The following GRM1 variants were observed in gnomAD, a reference collection of about 807,000 sequenced individuals.
The protein encoded by GRM1 is metabotropic glutamate receptor 1.
Under a neutral mutation model 90.9 loss-of-function variants are expected in GRM1, and 33 were observed. The ratio of observed to expected loss-of-function variants is 0.36; its 90% CI spans 0.28 to 0.49. The LOEUF is 0.49. Among genes scored for constraint, GRM1 ranks in the 20% least tolerant of loss-of-function variants. GRM1 has a pLI of 0.99. For missense variants in GRM1, 1,190 were observed against 1,534.3 expected (o/e 0.78, Z 3.75); for synonymous variants, 700 against 613.2 (o/e 1.14, Z -2.09).
chr6:146,157,673 T>C (rs1036735344), intron 1 of GRM1, among the ~76,000 whole-genome samples: 3 of 151,972 alleles, frequency 2.0e-5, no homozygotes, highest in African/African-American at 7.3e-5. Flanking sequence ...AGGGAACAAC[T>C]GTAGGAGAAA....
chr6:146,297,728 T>C (rs1783230657), intron 2 of GRM1, among the ~76,000 whole-genome samples: 3 of 152,180 alleles, frequency 2.0e-5, no homozygotes, highest in Non-Finnish European at 2.9e-5. Context: ...TGACCTTTTG[T>C]TCAAATAAGA....
intron 2 of GRM1, among the ~76,000 whole-genome samples, chr6:146,263,342 G>A (rs1225814112): frequency 1.3e-5 from 2 of 151,900 alleles, no homozygotes; most frequent in African/African-American, 4.8e-5. Context: ...GAAATTATTA[G>A]TATGATTGCA....
intron 2 of GRM1, among the ~76,000 whole-genome samples, chr6:146,220,197 T>C (rs952309044): frequency 6.6e-6 from 1 of 152,162 alleles, no homozygotes; most frequent in Non-Finnish European, 1.5e-5. Context: ...AATAGCTTTA[T>C]TGAAAATGGA....
intron 1 of GRM1, among the ~76,000 whole-genome samples, chr6:146,037,456 A>C (rs1021174106): frequency 1.3e-5 from 2 of 151,986 alleles, no homozygotes; most frequent in African/African-American, 4.8e-5. Flanking sequence ...GCTTTGTTTT[A>C]GATACTTTCT....
rs74478201 is a variant in GRM1 at position 146,361,403 on chromosome 6, G to A, written c.1602+3709G>A. Among the ~76,000 whole-genome samples, 360 of 152,302 alleles carry A rather than the reference G, an allele frequency of 2.4e-3. 5 individuals are homozygous for A. In the East Asian group the frequency reaches 0.035, roughly 15 times the overall value. On this transcript the variant is annotated intron_variant, in intron 5 of 7. Coordinates refer to ENST00000282753, the MANE Select transcript of GRM1 (RefSeq NM_001278064.2). Reference sequence around the variant, plus strand: ...ACAGATAAAATCTGAACAGTGTTATGCAAGCAAACATCAGGGGCCTTGTGT... The same window carrying A: ...ACAGATAAAATCTGAACAGTGTTATACAAGCAAACATCAGGGGCCTTGTGT...
At chr6:146,265,504 C>T (rs113661139) in intron 2 of GRM1, among the ~76,000 whole-genome samples, 764 of 152,234 alleles carry the variant, frequency 5.0e-3, no homozygotes, top group Non-Finnish European at 8.1e-3. Context: ...TTGTTTATTT[C>T]TTTGGCTGTC....
intron 2 of GRM1, among the ~76,000 whole-genome samples, chr6:146,268,710 C>T (rs1374676384): frequency 6.6e-6 from 1 of 152,210 alleles, no homozygotes; most frequent in Admixed American, 6.5e-5. Flanking sequence ...TATGACCTTT[C>T]TGACCTTGCA....
chr6:146,273,952 G>A (rs556211142), intron 2 of GRM1, among the ~76,000 whole-genome samples: 1 of 152,256 alleles, frequency 6.6e-6, no homozygotes, highest in Admixed American at 6.5e-5. Flanking sequence ...TTTATCTTTT[G>A]TTAAAATGTT....
chr6:146,423,449 A>G (rs1778075088), intron 7 of GRM1, among the ~76,000 whole-genome samples: 1 of 146,572 alleles, frequency 6.8e-6, no homozygotes. Context: ...AAAAGGGATC[A>G]TAAAGGAGAT....
chr6:146,346,852 A>G (rs1435877752), intron 3 of GRM1, among the ~76,000 whole-genome samples: 1 of 152,210 alleles, frequency 6.6e-6, no homozygotes, highest in African/African-American at 2.4e-5. Flanking sequence ...TCTGTCAGGC[A>G]AAAATAAGCA....
intron 3 of GRM1, among the ~76,000 whole-genome samples, chr6:146,337,266 T>A (rs1360492924): frequency 6.6e-6 from 1 of 152,228 alleles, no homozygotes; most frequent in Non-Finnish European, 1.5e-5. Flanking sequence ...TCCCAGGTTC[T>A]GCCTGGTGAT....
At chr6:146,166,795 T>C (rs1356284412) in intron 2 of GRM1, among the ~76,000 whole-genome samples, 1 of 152,138 alleles carries the variant, frequency 6.6e-6, no homozygotes, top group Non-Finnish European at 1.5e-5. Flanking sequence ...ACTCTCTCCA[T>C]AACCACTTAT....
intron 2 of GRM1, among the ~76,000 whole-genome samples, chr6:146,273,343 A>C (rs556610014): frequency 6.6e-6 from 1 of 152,284 alleles, no homozygotes; most frequent in East Asian, 1.9e-4. Flanking sequence ...TGGGAAAGAC[A>C]TGCCCCAGCG....
intron 2 of GRM1, among the ~76,000 whole-genome samples, chr6:146,177,705 G>A (rs1418488176): frequency 6.6e-6 from 1 of 151,720 alleles, no homozygotes; most frequent in Non-Finnish European, 1.5e-5. Flanking sequence ...ATGCATTTTT[G>A]CAATTTGAGT....
chr6:146,270,467 TC>T (rs1782074184), intron 2 of GRM1, among the ~76,000 whole-genome samples: 2 of 152,112 alleles, frequency 1.3e-5, no homozygotes, highest in Non-Finnish European at 2.9e-5. Context: ...GATTTTTTTC[TC>T]CCTAGTTAAT....
At chr6:146,205,027 A>G (rs1735402092) in intron 2 of GRM1, among the ~76,000 whole-genome samples, 1 of 152,206 alleles carries the variant, frequency 6.6e-6, no homozygotes, top group African/African-American at 2.4e-5. Flanking sequence ...GAATATATGA[A>G]AATGCATGCA....
intron 7 of GRM1, among the ~76,000 whole-genome samples, chr6:146,433,594 C>T (rs780807203): frequency 8.7e-5 from 13 of 149,820 alleles, no homozygotes; most frequent in Middle Eastern, 3.4e-3. Flanking sequence ...GAGAGTGCAA[C>T]GGAGAAAAAA....
chr6:146,147,696 C>T (rs1358195174), intron 1 of GRM1, among the ~76,000 whole-genome samples: 2 of 152,142 alleles, frequency 1.3e-5, no homozygotes, highest in African/African-American at 4.8e-5. Flanking sequence ...CCATCCTGTG[C>T]TCAAGCTGAA....
At chr6:146,345,714 CTGCCTT>C (rs1785166202) in intron 3 of GRM1, among the ~76,000 whole-genome samples, 1 of 143,604 alleles carries the variant, frequency 7.0e-6, no homozygotes, top group African/African-American at 3.0e-5. Flanking sequence ...GAGCATAGAT[CTGCCTT>C]CTGCCTTCTT....
Sources: gnomAD v4.1 joint callset for allele counts (sites outside exome capture counted in the v4.1 genomes callset) on GRCh38, gnomAD v4.1.1 for gene constraint, MANE v1.5 for transcripts, NCBI Gene and HGNC (gene_info 2026-07-23, HGNC 2026-07-21) for gene names.